The following LINGO2 variants were observed in gnomAD, a reference collection of about 807,000 sequenced individuals.
LINGO2 encodes the protein leucine rich repeat and Ig domain containing 2, also known as leucine-rich repeat and immunoglobulin-like domain-containing nogo receptor-interacting protein 2.
A neutral mutation model predicts 30.6 loss-of-function variants in LINGO2; 14 were observed. That is an observed-to-expected ratio of 0.46 (90% CI 0.30 to 0.72). LINGO2 has a LOEUF of 0.72. LINGO2 is among the 30% of genes least tolerant of loss of function. LINGO2 has a pLI of 0.07. For missense variants in LINGO2, 729 were observed against 751.7 expected, an observed-to-expected ratio of 0.97 and a Z score of 0.35; for synonymous variants, 317 against 288.5, an observed-to-expected ratio of 1.10 and a Z score of -1.00.
chr9:29,160,792 G>A, the LINGO2 span, among the ~76,000 whole-genome samples: 1 of 152,114 alleles, frequency 6.6e-6, no homozygotes, highest in Non-Finnish European at 1.5e-5. Flanking sequence ...AAGGTATATG[G>A]GTGTGCTTTG....
the LINGO2 span, among the ~76,000 whole-genome samples, chr9:28,898,970 G>A: frequency 1.3e-5 from 2 of 152,106 alleles, no homozygotes; most frequent in African/African-American, 4.8e-5. Context: ...TCATTGAAAC[G>A]TTTTATGGTG....
chr9:28,350,850 C>T (rs1819844640), intron 3 of LINGO2, among the ~76,000 whole-genome samples: 1 of 151,846 alleles, frequency 6.6e-6, no homozygotes. Context: ...GAATCTCACT[C>T]AAAACCGCTC....
intron 1 of LINGO2, among the ~76,000 whole-genome samples, chr9:28,497,461 A>G (rs1564243306): frequency 6.6e-6 from 1 of 152,160 alleles, no homozygotes; most frequent in Non-Finnish European, 1.5e-5. Flanking sequence ...CGGCTACTGA[A>G]GCTTGTGCAT....
chr9:28,012,645 C>T (rs1261131792), intron 4 of LINGO2, among the ~76,000 whole-genome samples: 1 of 152,014 alleles, frequency 6.6e-6, no homozygotes, highest in Non-Finnish European at 1.5e-5. Context: ...CTCCATACCG[C>T]CTGGCCAAGA....
chr9:29,112,148 C>A, the LINGO2 span, among the ~76,000 whole-genome samples: 1 of 142,722 alleles, frequency 7.0e-6, no homozygotes, highest in East Asian at 2.3e-4. Flanking sequence ...CGAAATATAT[C>A]CCTTCTCCCA....
the LINGO2 span, among the ~76,000 whole-genome samples, chr9:28,760,703 C>G: frequency 6.6e-6 from 1 of 151,644 alleles, no homozygotes; most frequent in Non-Finnish European, 1.5e-5. Context: ...ATTCTTATGC[C>G]TTTGCCTTCT....
the LINGO2 span, among the ~76,000 whole-genome samples, chr9:29,051,576 CT>C: frequency 1.3e-5 from 2 of 152,150 alleles, no homozygotes; most frequent in African/African-American, 4.8e-5. Flanking sequence ...AATGTCCAGA[CT>C]TTTCATAGGC....
At chr9:28,670,705 T>C (rs1015694172), upstream of LINGO2, among the ~76,000 whole-genome samples, 14 of 152,154 alleles carry the variant, frequency 9.2e-5, no homozygotes, top group African/African-American at 3.1e-4. Context: ...TTTTAGCAAA[T>C]ATCCTTACTT....
the LINGO2 span, among the ~76,000 whole-genome samples, chr9:28,797,359 TAGAGAGAG>T: frequency 6.7e-4 from 23 of 34,212 alleles, no homozygotes; most frequent in African/African-American, 1.4e-3. Context: ...TATATATATA[TAGAGAGAG>T]AGAGAGAGAG....
intron 4 of LINGO2, among the ~76,000 whole-genome samples, chr9:28,200,004 A>AG (rs1302042370): frequency 6.6e-6 from 1 of 151,758 alleles, no homozygotes; most frequent in Non-Finnish European, 1.5e-5. Context: ...TAGGAAAAAA[A>AG]AAAAAAAAAA....
At chr9:28,832,647 A>T in the LINGO2 span, among the ~76,000 whole-genome samples, 4 of 152,266 alleles carry the variant, frequency 2.6e-5, no homozygotes, top group African/African-American at 9.6e-5. Flanking sequence ...CATATTACTC[A>T]ACATAAAAGA....
At chr9:28,949,853 T>G in the LINGO2 span, among the ~76,000 whole-genome samples, 6,265 of 152,056 alleles carry the variant, frequency 0.041, 196 homozygotes, top group Admixed American at 0.083. Flanking sequence ...AGGGATATTG[T>G]TCATCAATAT....
intron 4 of LINGO2, among the ~76,000 whole-genome samples, chr9:28,250,707 C>G (rs1424839761): frequency 6.6e-6 from 1 of 152,194 alleles, no homozygotes; most frequent in East Asian, 1.9e-4. Context: ...GAAGAGAAGA[C>G]AAAGCAGGAT....
intron 5 of LINGO2, among the ~76,000 whole-genome samples, chr9:27,996,385 A>C (rs2119086474): frequency 6.6e-6 from 1 of 152,308 alleles, no homozygotes; most frequent in Non-Finnish European, 1.5e-5. Flanking sequence ...ACTCAATCTA[A>C]ATGTCCATCA....
intron 5 of LINGO2, among the ~76,000 whole-genome samples, chr9:27,960,410 G>A (rs28397130): frequency 0.019 from 2,954 of 152,236 alleles, 100 homozygotes; most frequent in African/African-American, 0.068. Context: ...CATCTAAACA[G>A]ACAATATTTG....
At chr9:28,416,565 G>C (rs1822975909) in intron 2 of LINGO2, among the ~76,000 whole-genome samples, 1 of 152,116 alleles carries the variant, frequency 6.6e-6, no homozygotes, top group Non-Finnish European at 1.5e-5. Context: ...AGATTACAAA[G>C]TGTTCCAAAT....
At chr9:27,974,948 G>A (rs1335707476) in intron 5 of LINGO2, among the ~76,000 whole-genome samples, 1 of 152,094 alleles carries the variant, frequency 6.6e-6, no homozygotes, top group Non-Finnish European at 1.5e-5. Context: ...AGGCAGGTTA[G>A]AAGCACAATC....
intron 4 of LINGO2, among the ~76,000 whole-genome samples, chr9:28,117,597 G>A (rs1826959962): frequency 8.9e-6 from 1 of 111,948 alleles, no homozygotes. Context: ...AGCCAGGTGT[G>A]GGATATAGTC....
At chr9:29,129,907 T>G in the LINGO2 span, among the ~76,000 whole-genome samples, 1 of 152,092 alleles carries the variant, frequency 6.6e-6, no homozygotes. Context: ...TTAGAACAAG[T>G]CAGAAAGTCC....
Sources: gnomAD v4.1 joint callset for allele counts (sites outside exome capture counted in the v4.1 genomes callset) on GRCh38, gnomAD v4.1.1 for gene constraint, MANE v1.5 for transcripts, NCBI Gene and HGNC (gene_info 2026-07-23, HGNC 2026-07-21) for gene names.